SYNE2: variants seen among roughly 807,000 people sequenced by gnomAD.
The protein encoded by SYNE2 is nesprin-2.
SYNE2 carries 431 observed loss-of-function variants against 856.3 expected under a neutral mutation model. The observed-to-expected ratio is 0.50, with a 90% CI of 0.47 to 0.55. The LOEUF is 0.55. SYNE2 is among the 20% of genes least tolerant of loss of function. The pLI is 0.00. For synonymous variants in SYNE2, 2,923 were observed against 2,872.3 expected (o/e 1.02, Z -0.56); for missense variants, 8,129 against 8,023.2 (o/e 1.01, Z -0.50).
At chr14:64,073,192 G>C (rs1285356462) in intron 52 of SYNE2, among the ~76,000 whole-genome samples, 2 of 152,176 alleles carry the variant, frequency 1.3e-5, no homozygotes, top group African/African-American at 4.8e-5. Context: ...GGGGGTGTGT[G>C]TTGGAGGTAG....
chr14:63,943,885 G>A (rs12889487), intron 6 of SYNE2, among the ~76,000 whole-genome samples: 1,848 of 151,746 alleles, frequency 0.012, 32 homozygotes, highest in Admixed American at 0.059. Flanking sequence ...TGCTCAGGCT[G>A]GTATTGAACT....
chr14:63,893,518 C>A (rs1036576599), intron 1 of SYNE2, among the ~76,000 whole-genome samples: 1 of 152,130 alleles, frequency 6.6e-6, no homozygotes, highest in Non-Finnish European at 1.5e-5. Flanking sequence ...AAGGTAAGAT[C>A]GTGCCACTGT....
In SYNE2 at chr14:63,943,435, GA is replaced by G. The variant is rs1401133214; in HGVS notation, c.408+1297del. Among the ~76,000 whole-genome samples, 6 of 152,056 alleles carry G rather than the reference GA, an allele frequency of 3.9e-5. No individual in the cohort carries two copies. The South Asian group carries it at 1.2e-3, about 32-fold the overall frequency. ...TAACTTAGGAAAAATATTTATTTTAGAAAAACTAGAAAAATAGCATAACTAA... is the reference window on the plus strand; with the variant it reads ...TAACTTAGGAAAAATATTTATTTTAGAAAACTAGAAAAATAGCATAACTAA... On this transcript the variant is annotated intron_variant, in intron 6 of 115. Transcript: ENST00000555002.
chr14:63,825,332 A>C (rs1668234686), intron 1 of SYNE2, among the ~76,000 whole-genome samples: 1 of 152,186 alleles, frequency 6.6e-6, no homozygotes, highest in South Asian at 2.1e-4. Context: ...GCAATAACAT[A>C]AACTTTTATG....
chr14:63,869,476 G>C (rs1349883126), intron 1 of SYNE2, among the ~76,000 whole-genome samples: 1 of 151,658 alleles, frequency 6.6e-6, no homozygotes, highest in African/African-American at 2.4e-5. Flanking sequence ...ACAAAAATTA[G>C]CCGGGCGTGG....
chr14:63,914,897 C>T (rs756771715), intron 2 of SYNE2, among the ~76,000 whole-genome samples: 1 of 152,302 alleles, frequency 6.6e-6, no homozygotes, highest in Middle Eastern at 3.4e-3. Context: ...TGTGTCTTAG[C>T]CACCTGAGTA....
At chr14:63,925,978 C>T (rs114033090) in intron 2 of SYNE2, among the ~76,000 whole-genome samples, 2,604 of 152,038 alleles carry the variant, frequency 0.017, 65 homozygotes, top group African/African-American at 0.059. Context: ...CTCAGCCCCC[C>T]AAACAGGTGC....
Position 63,983,775 on chromosome 14 carries a change from G to A in SYNE2, c.2040G>A (p.Gln680=), listed in dbSNP as rs1156235592. 6.2e-7 allele frequency: 1 copy of A among 1,612,932 alleles called. No individual in the cohort carries two copies. The highest frequency in any genetic ancestry group is 8.5e-7 in the Non-Finnish European group (1 of 1,179,348). ...CACTGATGATAAAAAAACAGGATCA[G>A]CCCACTTTTGACAATTCTGGAAATA... is the stretch of plus-strand genomic sequence containing the variant. ...NLPLMIKKQD[Q]PTFDNSGNIL... Residue 680 remains glutamine, a synonymous_variant, in exon 18 of 116, where the codon CAG becomes CAA. Transcript: ENST00000555002.
chr14:63,978,084 G>A (rs1054142496), intron 13 of SYNE2, 67 bp downstream of exon 13: 6 of 1,017,180 alleles, frequency 5.9e-6, no homozygotes, highest in African/African-American at 4.8e-5. Context: ...GATACTACAG[G>A]GACCACAAAA....
At chr14:64,030,960 C>T in intron 44 of SYNE2, 56 bp from the exon 45 acceptor site, 1 of 1,302,950 alleles carries the variant, frequency 7.7e-7, no homozygotes, top group Non-Finnish European at 1.1e-6. Context: ...TTACAAAAGT[C>T]AATTAACTTT....
chr14:63,936,683 G>A (rs1158223604), intron 2 of SYNE2, among the ~76,000 whole-genome samples: 2 of 152,194 alleles, frequency 1.3e-5, no homozygotes, highest in Admixed American at 1.3e-4. Flanking sequence ...GCCATCATGA[G>A]GAGTGAAGGG....
intron 1 of SYNE2, among the ~76,000 whole-genome samples, chr14:63,902,801 T>G (rs1362027752): frequency 6.6e-6 from 1 of 151,866 alleles, no homozygotes; most frequent in East Asian, 1.9e-4. Context: ...TCAAGTGAGG[T>G]GGGAACCTCA....
rs767401015 is a variant in SYNE2 at position 64,214,346 on chromosome 14, G to C, written c.19209G>C (p.Arg6403=). The C allele has an allele frequency of 1.2e-6, 2 of 1,613,994 alleles. No individual in the cohort carries two copies. Among genetic ancestry groups the C allele is most frequent in the South Asian group, 2.2e-5 (2 of 91,072 alleles). The change falls in exon 106 of 116, where the codon CGG becomes CGC. Residue 6403 remains arginine, a synonymous_variant. Coordinates refer to ENST00000555002, the MANE Select transcript of SYNE2 (RefSeq NM_182914.3). ...LCHLVAPGHE[R]SGCETPVSVD... ...ATCTAGTGGCCCCAGGGCACGAGCG[G>C]TCTGGCTGCGAGACCCCTGTCAGCG...
intron 96 of SYNE2, among the ~76,000 whole-genome samples, chr14:64,183,781 T>C (rs2098474032): frequency 6.6e-6 from 1 of 151,998 alleles, no homozygotes; most frequent in African/African-American, 2.4e-5. Context: ...ACAGACGTGG[T>C]GGCGTGCGCC....
chr14:64,119,646 C>T (rs753501998), intron 67 of SYNE2, 37 bp downstream of exon 67: 4 of 1,606,816 alleles, frequency 2.5e-6, no homozygotes, highest in East Asian at 2.2e-5. Context: ...CATCTTGATA[C>T]ACATATGTGG....
At chr14:63,833,741 A>G (rs1889750124) in intron 1 of SYNE2, among the ~76,000 whole-genome samples, 1 of 152,180 alleles carries the variant, frequency 6.6e-6, no homozygotes, top group African/African-American at 2.4e-5. Flanking sequence ...TATTTCTAAA[A>G]CTTAATAATT....
intron 9 of SYNE2, 34 bp downstream of exon 9, chr14:63,961,659 T>A (rs2096316209): frequency 1.4e-6 from 2 of 1,457,790 alleles, no homozygotes; most frequent in African/African-American, 2.8e-5. Context: ...AAGCTCATTT[T>A]AGTTGTATCC....
At chr14:63,775,207 C>T (rs931159916) in intron 1 of SYNE2, among the ~76,000 whole-genome samples, 7 of 151,942 alleles carry the variant, frequency 4.6e-5, no homozygotes, top group Non-Finnish European at 1.0e-4. Context: ...AACTCCTGAC[C>T]TTGGGTGATC....
chr14:64,006,271 G>A (rs933855908), intron 30 of SYNE2, among the ~76,000 whole-genome samples: 20 of 152,032 alleles, frequency 1.3e-4, no homozygotes, highest in Admixed American at 1.1e-3. Flanking sequence ...TGTACATAAC[G>A]GAGAAATGAA....
Sources: gnomAD v4.1 joint callset for allele counts (sites outside exome capture counted in the v4.1 genomes callset) on GRCh38, gnomAD v4.1.1 for gene constraint, MANE v1.5 for transcripts, NCBI Gene and HGNC (gene_info 2026-07-23, HGNC 2026-07-21) for gene names.